The following CDC42SE2 variants were observed in gnomAD, a reference collection of about 807,000 sequenced individuals.
The protein encoded by CDC42SE2 is CDC42 small effector 2.
In CDC42SE2, 3 loss-of-function variants were observed where a neutral mutation model predicts 11.5. The observed-to-expected ratio is 0.26, with a 90% CI of 0.12 to 0.67. The LOEUF (loss-of-function observed/expected upper bound fraction) is 0.67. Among genes scored for constraint, CDC42SE2 ranks in the 30% least tolerant of loss-of-function variants. The probability of loss-of-function intolerance (pLI) is 0.80; values close to 1 mark genes in which losing one functional copy is unlikely to be tolerated. For synonymous variants in CDC42SE2, 33 were observed against 34.8 expected, an observed-to-expected ratio of 0.95 and a Z score of 0.18; for missense variants, 82 against 106.8, an observed-to-expected ratio of 0.77 and a Z score of 1.02.
chr5:131,318,787 C>T (rs527886027), intron 2 of CDC42SE2, among the ~76,000 whole-genome samples: 1 of 152,168 alleles, frequency 6.6e-6, no homozygotes, highest in East Asian at 1.9e-4. Context: ...CTTTCTCAAC[C>T]CTCAATTATA....
In CDC42SE2 at chr5:131,298,274, TA is replaced by T. The variant is rs1215884430; in HGVS notation, c.-454-17701del. On this transcript the variant is annotated intron_variant, in intron 1 of 4. Transcript: ENST00000505065. ...GGCACCACCATGCCTGGCTAATTTT[TA>T]TTTTTTTTTTAAGTAGAGATGGGGT... Among the ~76,000 whole-genome samples, 352 of 151,882 alleles carry T rather than the reference TA, an allele frequency of 2.3e-3. 1 individual carries two copies. The highest frequency in any genetic ancestry group is 8.1e-3 in the African/African-American group (334 of 41,396).
At chr5:131,390,406 C>T (rs889752812) in intron 4 of CDC42SE2, among the ~76,000 whole-genome samples, 2 of 151,928 alleles carry the variant, frequency 1.3e-5, no homozygotes, top group Non-Finnish European at 2.9e-5. Flanking sequence ...GTTGATCGGC[C>T]GGGTGCGGTG....
intron 1 of CDC42SE2, among the ~76,000 whole-genome samples, chr5:131,297,834 C>T (rs532115589): frequency 2.0e-5 from 3 of 151,884 alleles, no homozygotes; most frequent in Non-Finnish European, 2.9e-5. Context: ...AATAATCGAT[C>T]GACAAATCAG....
intron 1 of CDC42SE2, among the ~76,000 whole-genome samples, chr5:131,304,522 T>G (rs1220350802): frequency 6.6e-6 from 1 of 152,234 alleles, no homozygotes; most frequent in Non-Finnish European, 1.5e-5. Context: ...ATTGAATGAT[T>G]ATAGTAAAAT....
At chr5:131,231,459 T>G in the CDC42SE2 span, among the ~76,000 whole-genome samples, 1 of 152,110 alleles carries the variant, frequency 6.6e-6, no homozygotes, top group African/African-American at 2.4e-5. Context: ...AAAAAAAACA[T>G]GTATTGTTTG....
chr5:131,240,290 G>A, the CDC42SE2 span, among the ~76,000 whole-genome samples: 1 of 152,062 alleles, frequency 6.6e-6, no homozygotes, highest in African/African-American at 2.4e-5. Flanking sequence ...GCAGTATTGG[G>A]TTTCTCTCCT....
chr5:131,284,848 G>C (rs970026745), intron 1 of CDC42SE2, among the ~76,000 whole-genome samples: 1 of 152,070 alleles, frequency 6.6e-6, no homozygotes, highest in Non-Finnish European at 1.5e-5. Flanking sequence ...CAAAGTAAAA[G>C]AATAGTTTTT....
chr5:131,309,699 A>G (rs1168792841), intron 1 of CDC42SE2, among the ~76,000 whole-genome samples: 3 of 151,610 alleles, frequency 2.0e-5, no homozygotes, highest in Non-Finnish European at 4.4e-5. Context: ...CCAGGAATTT[A>G]TCCATTTCTT....
chr5:131,292,059 T>C (rs1483537248), intron 1 of CDC42SE2, among the ~76,000 whole-genome samples: 1 of 151,564 alleles, frequency 6.6e-6, no homozygotes, highest in Non-Finnish European at 1.5e-5. Flanking sequence ...CTGGCTAACA[T>C]GGTGAAACCC....
At chr5:131,349,244 A>T (rs541641369) in intron 2 of CDC42SE2, among the ~76,000 whole-genome samples, 1 of 151,318 alleles carries the variant, frequency 6.6e-6, no homozygotes, top group East Asian at 2.0e-4. Context: ...TATCGCAAGG[A>T]CAGAAAACCA....
At chr5:131,341,560 A>C (rs1758712890) in intron 2 of CDC42SE2, among the ~76,000 whole-genome samples, 1 of 152,226 alleles carries the variant, frequency 6.6e-6, no homozygotes, top group Non-Finnish European at 1.5e-5. Flanking sequence ...GAGAAGAGGA[A>C]GACATGATTC....
At chr5:131,216,501 C>CAAAAAAA in the CDC42SE2 span, among the ~76,000 whole-genome samples, 24 of 42,154 alleles carry the variant, frequency 5.7e-4, no homozygotes, top group African/African-American at 2.2e-3. Context: ...GAACCTGTCT[C>CAAAAAAA]AAAAAAAAAA....
intron 1 of CDC42SE2, among the ~76,000 whole-genome samples, chr5:131,281,008 G>A (rs1156910233): frequency 6.6e-6 from 1 of 152,128 alleles, no homozygotes; most frequent in Non-Finnish European, 1.5e-5. Context: ...TTGGTATATT[G>A]CATTCTTTGG....
chr5:131,363,204 GAGCATCAGAATACTGGTC>G, intron 3 of CDC42SE2, among the ~76,000 whole-genome samples: 1 of 150,034 alleles, frequency 6.7e-6, no homozygotes, highest in Admixed American at 6.7e-5. Context: ...CCAACTTATT[GAGCATCAGAATACTGGTC>G]AGCTTCTAAG....
chr5:131,237,374 G>A, the CDC42SE2 span, among the ~76,000 whole-genome samples: 3 of 152,120 alleles, frequency 2.0e-5, no homozygotes, highest in African/African-American at 4.8e-5. Flanking sequence ...TTTGTTTTCT[G>A]ATTTCTGTAG....
intron 1 of CDC42SE2, among the ~76,000 whole-genome samples, chr5:131,297,699 G>A (rs1004678026): frequency 6.6e-6 from 1 of 151,828 alleles, no homozygotes; most frequent in Non-Finnish European, 1.5e-5. Flanking sequence ...CAGCCTGGGT[G>A]ACAGAGCAAG....
intron 1 of CDC42SE2, among the ~76,000 whole-genome samples, chr5:131,288,531 A>G (rs1004578319): frequency 3.3e-5 from 5 of 152,104 alleles, no homozygotes; most frequent in South Asian, 4.1e-4. Flanking sequence ...GCCTCACTCT[A>G]TGGTCCAGGC....
rs567364171 is a variant in CDC42SE2 at position 131,320,293 on chromosome 5, G to A, written c.-286+4149G>A. On this transcript the variant is annotated intron_variant, in intron 2 of 4. Coordinates refer to ENST00000505065, the MANE Select transcript of CDC42SE2 (RefSeq NM_001375635.1). ...TGTAATCCCAGCTACTCAGGAGGCT[G>A]AGGCAGGAGAATAGCTTGAATCTGG... Among the ~76,000 whole-genome samples, 31 of 151,936 alleles carry A rather than the reference G, an allele frequency of 2.0e-4. No individual in the cohort carries two copies. In the South Asian group the frequency reaches 6.4e-3, roughly 32 times the overall value.
At chr5:131,240,880 T>C (rs895987710), upstream of CDC42SE2, among the ~76,000 whole-genome samples, 4 of 152,232 alleles carry the variant, frequency 2.6e-5, no homozygotes, top group Non-Finnish European at 4.4e-5. Context: ...CCAGTGTTTA[T>C]CGATGATACA....
Sources: gnomAD v4.1 joint callset for allele counts (sites outside exome capture counted in the v4.1 genomes callset) on GRCh38, gnomAD v4.1.1 for gene constraint, MANE v1.5 for transcripts, NCBI Gene and HGNC (gene_info 2026-07-23, HGNC 2026-07-21) for gene names.